Variants in BABAM2 observed in about 807,000 individuals in gnomAD.
BABAM2 encodes BRISC and BRCA1 A complex member 2, also known as BRISC and BRCA1-A complex member 2.
Under a neutral mutation model 54.7 loss-of-function variants are expected in BABAM2, and 31 were observed. The observed-to-expected ratio is 0.57, with a 90% CI of 0.43 to 0.77. The LOEUF (loss-of-function observed/expected upper bound fraction) is 0.77. BABAM2 is among the 30% of genes least tolerant of loss of function. The pLI is 0.00. For synonymous variants in BABAM2, 167 were observed against 162.9 expected, an observed-to-expected ratio of 1.03 and a Z score of -0.19; for missense variants, 364 against 455.8, an observed-to-expected ratio of 0.80 and a Z score of 1.83.
At chr2:28,274,918 C>T (rs904896720) in intron 10 of BABAM2, among the ~76,000 whole-genome samples, 7 of 152,138 alleles carry the variant, frequency 4.6e-5, no homozygotes, top group African/African-American at 7.2e-5. Context: ...GTGAAGACCT[C>T]GCAGAAGAGA....
At chr2:27,927,787 G>A (rs1667814916) in intron 2 of BABAM2, among the ~76,000 whole-genome samples, 1 of 151,176 alleles carries the variant, frequency 6.6e-6, no homozygotes, top group African/African-American at 2.4e-5. Context: ...AAGATAATGA[G>A]GAATAATCAA....
At chr2:28,003,923 A>G (rs933076643) in intron 4 of BABAM2, among the ~76,000 whole-genome samples, 2 of 152,130 alleles carry the variant, frequency 1.3e-5, no homozygotes, top group African/African-American at 4.8e-5. Flanking sequence ...CCCTAAGTTT[A>G]CCTTTGTAAT....
chr2:27,902,924 T>TGAGA (rs1167717410), intron 2 of BABAM2, among the ~76,000 whole-genome samples: 1 of 150,002 alleles, frequency 6.7e-6, no homozygotes, highest in African/African-American at 2.5e-5. Context: ...TGTGTGTGTG[T>TGAGA]GAGAGAGAGA....
chr2:28,173,240 G>C (rs183914824), intron 7 of BABAM2, among the ~76,000 whole-genome samples: 2 of 152,116 alleles, frequency 1.3e-5, no homozygotes, highest in African/African-American at 4.8e-5. Context: ...CCTGGTACAG[G>C]TTACCATTTA....
chr2:28,210,539 C>A (rs1679351307), intron 7 of BABAM2, among the ~76,000 whole-genome samples: 1 of 152,166 alleles, frequency 6.6e-6, no homozygotes, highest in African/African-American at 2.4e-5. Flanking sequence ...GATAGTATTT[C>A]ACCTTCACAA....
intron 6 of BABAM2, among the ~76,000 whole-genome samples, chr2:28,094,348 T>C (rs1369948626): frequency 6.6e-6 from 1 of 152,162 alleles, no homozygotes; most frequent in Non-Finnish European, 1.5e-5. Context: ...TTTTAATACA[T>C]TTAAAGGGAT....
intron 7 of BABAM2, among the ~76,000 whole-genome samples, chr2:28,230,679 A>G (rs1681297629): frequency 2.0e-5 from 3 of 150,816 alleles, no homozygotes; most frequent in Non-Finnish European, 4.4e-5. Flanking sequence ...AGCCGTGATC[A>G]CGCCACCACA....
chr2:28,076,535 A>T (rs1664698292), intron 6 of BABAM2, among the ~76,000 whole-genome samples: 1 of 151,686 alleles, frequency 6.6e-6, no homozygotes, highest in African/African-American at 2.4e-5. Flanking sequence ...TTGCTCTGTC[A>T]CCCAGGCTGG....
At chr2:28,138,260 G>C (rs996651232) in intron 7 of BABAM2, among the ~76,000 whole-genome samples, 1 of 152,154 alleles carries the variant, frequency 6.6e-6, no homozygotes, top group East Asian at 1.9e-4. Flanking sequence ...CCCTCAGATT[G>C]AGAAAGTCCG....
chr2:28,126,755 C>T (rs1652802788), intron 6 of BABAM2, among the ~76,000 whole-genome samples: 1 of 145,716 alleles, frequency 6.9e-6, no homozygotes. Context: ...TTTACAGTCC[C>T]ACCAACAGTG....
chr2:28,284,793 G>T (rs1009271875), intron 10 of BABAM2, among the ~76,000 whole-genome samples: 1 of 152,154 alleles, frequency 6.6e-6, no homozygotes, highest in South Asian at 2.1e-4. Flanking sequence ...TGGAAATCAG[G>T]CTAGGAAAAG....
At chr2:28,318,734 G>A (rs1689776834) in intron 11 of BABAM2, among the ~76,000 whole-genome samples, 1 of 152,192 alleles carries the variant, frequency 6.6e-6, no homozygotes, top group South Asian at 2.1e-4. Flanking sequence ...GCTCTGGTAT[G>A]CATGGTGTCC....
intron 7 of BABAM2, among the ~76,000 whole-genome samples, chr2:28,204,524 AT>A (rs570805345): frequency 2.3e-3 from 329 of 146,076 alleles, no homozygotes; most frequent in African/African-American, 6.1e-3. Context: ...TCTTTGGCCT[AT>A]TTTTTTTTTT....
intron 7 of BABAM2, among the ~76,000 whole-genome samples, chr2:28,136,105 G>A (rs1652776553): frequency 6.6e-6 from 1 of 152,134 alleles, no homozygotes; most frequent in Non-Finnish European, 1.5e-5. Flanking sequence ...GCAGAATTTT[G>A]TGATTTCCCG....
intron 5 of BABAM2, among the ~76,000 whole-genome samples, chr2:28,041,753 T>A (rs1171418808): frequency 1.3e-5 from 2 of 152,270 alleles, no homozygotes; most frequent in East Asian, 1.9e-4. Context: ...ATTGTTAACT[T>A]GTCAAATTAC....
At chr2:27,976,804 G>C (rs1573309820) in intron 3 of BABAM2, among the ~76,000 whole-genome samples, 1 of 152,074 alleles carries the variant, frequency 6.6e-6, no homozygotes, top group South Asian at 2.1e-4. Context: ...TATGTGGCTT[G>C]CATTATTATT....
chr2:27,890,223 G>T, upstream of BABAM2: 1 of 1,602,290 alleles, frequency 6.2e-7, no homozygotes, highest in South Asian at 1.1e-5. This position sits in a 1 kb window ranked among gnomAD's most constrained non-coding sequence, Gnocchi z 4.8. Context: ...CTCCTCCCCC[G>T]AGCCGCAGAC....
intron 4 of BABAM2, among the ~76,000 whole-genome samples, chr2:28,023,943 T>C (rs939836000): frequency 6.6e-6 from 1 of 152,172 alleles, no homozygotes; most frequent in African/African-American, 2.4e-5. Flanking sequence ...TATTAAGATA[T>C]TATGGCATCT....
chr2:27,889,577 C>T (rs1664659777), upstream of BABAM2, among the ~76,000 whole-genome samples: 1 of 152,084 alleles, frequency 6.6e-6, no homozygotes, highest in African/African-American at 2.4e-5. Context: ...ATCTTACTGA[C>T]CTAACTCAAC....
Sources: allele counts gnomAD v4.1 joint callset (sites outside exome capture counted in the v4.1 genomes callset), GRCh38; gene constraint gnomAD v4.1.1; non-coding constraint Gnocchi (gnomAD v3.1); transcripts MANE v1.5; gene names NCBI Gene and HGNC (gene_info 2026-07-23, HGNC 2026-07-21).